COL1A2: variants seen among roughly 807,000 people sequenced by gnomAD.
The protein encoded by COL1A2 is collagen alpha-2(I) chain.
In COL1A2, 49 loss-of-function variants were observed where a neutral mutation model predicts 174.3. The observed-to-expected ratio is 0.28, with a 90% confidence interval of 0.22 to 0.36. The LOEUF is 0.36. Ranked by LOEUF, COL1A2 falls within the 10% of genes least tolerant of loss-of-function variation. The pLI is 1.00. For missense variants in COL1A2, 1,438 were observed against 1,822.7 expected (o/e 0.79, Z 3.84); for synonymous variants, 655 against 606.6 (o/e 1.08, Z -1.17).
chr7:94,400,207 C>G lies in COL1A2; in HGVS notation c.144C>G (p.Gly48=). ...TTTTTACATAACAGGGTCCACCAGG[C>G]CCCCCAGGCAGAGATGGTGAAGATG... ...RGPRGERGPP[G]PPGRDGEDGP... Residue 48 remains glycine, a synonymous_variant, in exon 5 of 52, where the codon GGC becomes GGG. Transcript: ENST00000297268. The G allele has an allele frequency of 6.2e-7, 1 of 1,613,390 alleles. No individual in the cohort carries two copies. The highest frequency in any genetic ancestry group is 8.5e-7 in the Non-Finnish European group (1 of 1,179,854).
intron 29 of COL1A2, 108 bp downstream of exon 29, chr7:94,414,383 T>C: frequency 9.8e-7 from 1 of 1,024,556 alleles, no homozygotes; most frequent in Non-Finnish European, 1.5e-6. Context: ...AATTTCGTAT[T>C]TCATATGTTA....
intron 31 of COL1A2, 154 bp from the exon 32 acceptor site, chr7:94,417,570 A>C: frequency 1.5e-6 from 1 of 675,140 alleles, no homozygotes; most frequent in Non-Finnish European, 2.7e-6. Flanking sequence ...TCTCTGCTAT[A>C]TTCTCCCTCC....
At chr7:94,421,153 C>G (rs1792152455) in intron 38 of COL1A2, 91 bp downstream of exon 38, 2 of 1,327,626 alleles carry the variant, frequency 1.5e-6, no homozygotes, top group Non-Finnish European at 2.2e-6. Flanking sequence ...TAAATTTGGA[C>G]TACCATGAGG....
At chr7:94,424,243 A>AG in intron 40 of COL1A2, 93 bp from the exon 41 acceptor site, 1 of 1,065,186 alleles carries the variant, frequency 9.4e-7, no homozygotes, top group South Asian at 1.3e-5. Flanking sequence ...CCTTTTTCTA[A>AG]GCTGAAGACA....
In COL1A2 at chr7:94,398,908, G is replaced by A. The variant is rs1460888152; in HGVS notation, c.97-141G>A. 6 of 796,826 alleles carry A rather than the reference G, an allele frequency of 7.5e-6. No homozygotes were observed. The East Asian group carries it at 1.0e-4, about 14-fold the overall frequency. 49.4% of individuals were successfully genotyped at this position (796,826 alleles called of 1,614,324 possible). A position where few individuals can be genotyped will look rare whatever the true frequency, so the allele number is the denominator to read the frequency against. On this transcript the variant is annotated intron_variant, in intron 3 of 51. Transcript: ENST00000297268. ...AATATATACTTTTATCTATTGCATT[G>A]TGTCAATTTTTTATATGCTATCTAA...
chr7:94,402,172 G>A (rs138346191), intron 6 of COL1A2, among the ~76,000 whole-genome samples: 1 of 152,160 alleles, frequency 6.6e-6, no homozygotes, highest in Non-Finnish European at 1.5e-5. Flanking sequence ...CAGGCAAGAT[G>A]TCTAATATTT....
chr7:94,413,101 G>A lies in COL1A2; in HGVS notation c.1522G>A (p.Gly508Ser), dbSNP rs769600024. ...KGPTGDPGKN[G>S]DKGHAGLAGA... ...ACTCTAGGGTGATCCTGGCAAAAAC[G>A]GTGATAAAGGTCATGCTGGTCTTGC... The change falls in exon 26 of 52, where the codon GGT becomes AGT. Residue 508 changes from glycine (G) to serine (S), a missense_variant. Coordinates refer to ENST00000297268, the MANE Select transcript of COL1A2 (RefSeq NM_000089.4). 9.9e-6 allele frequency: 16 copies of A among 1,614,020 alleles called. No homozygotes were observed. The highest frequency in any genetic ancestry group is 1.2e-5 in the Non-Finnish European group (14 of 1,180,028).
rs779022418 is a variant in COL1A2 at position 94,395,091 on chromosome 7, A to C, written c.60A>C (p.Ala20=). ...LLLLAVTLCL[A]TCQSLQEETV... is the part of the protein sequence containing the mutation. ...TGCTTGCAGTAACCTTATGCCTAGCAACATGCCAATGTAAGTGCCTTCAGC... is the reference window on the plus strand; with the variant it reads ...TGCTTGCAGTAACCTTATGCCTAGCCACATGCCAATGTAAGTGCCTTCAGC... Residue 20 remains alanine (A), a synonymous_variant, in exon 1 of 52, where the codon GCA becomes GCC. Transcript: ENST00000297268. 1.2e-6 allele frequency: 2 copies of C among 1,613,906 alleles called. No individual in the cohort carries two copies. The highest frequency in any genetic ancestry group is 1.7e-5 in the Admixed American group (1 of 59,990).
At position 94,428,356 on chromosome 7, in the gene COL1A2, T is replaced by A. The variant is rs755804086; in HGVS notation, c.3590T>A (p.Phe1197Tyr). 6.2e-7 allele frequency: 1 copy of A among 1,614,168 alleles called. No homozygotes were observed. The highest frequency in any genetic ancestry group is 1.1e-5 in the South Asian group (1 of 91,080). The change falls in exon 50 of 52, where the codon TTC becomes TAC. Residue 1197 changes from phenylalanine to tyrosine, a missense_variant. Physicochemically the swap from Phe to Tyr is conservative, Grantham distance 22. Around this residue, in one of 3 missense-constraint regions of COL1A2, gnomAD observed 290 missense variants for 298.1 expected, o/e 0.97. Coordinates refer to ENST00000297268, the MANE Select transcript of COL1A2 (RefSeq NM_000089.4). ...GATGCTATCAAAGTATACTGTGATTTCTCTACTGGCGAAACCTGTATCCGG... is the reference window on the plus strand; with the variant it reads ...GATGCTATCAAAGTATACTGTGATTACTCTACTGGCGAAACCTGTATCCGG... ...TMDAIKVYCD[F>Y]STGETCIRAQ...
intron 46 of COL1A2, 137 bp downstream of exon 46, chr7:94,426,667 T>C: frequency 1.3e-6 from 1 of 772,996 alleles, no homozygotes; most frequent in African/African-American, 1.7e-5. Flanking sequence ...TAACTCCATC[T>C]CACTCTTGGA....
intron 6 of COL1A2, 95 bp downstream of exon 6, chr7:94,401,715 T>TATTGAGTGTTAACTTAGG: frequency 1.2e-6 from 1 of 831,142 alleles, no homozygotes; most frequent in Non-Finnish European, 2.0e-6. Flanking sequence ...GCTACCTAAG[T>TATTGAGTGTTAACTTAGG]TAACACTCAA....
At chr7:94,403,902 C>T (rs1171858919) in intron 6 of COL1A2, among the ~76,000 whole-genome samples, 1 of 152,114 alleles carries the variant, frequency 6.6e-6, no homozygotes, top group Non-Finnish European at 1.5e-5. Context: ...AAGGGGAAAA[C>T]AATCTTCCAT....
At chr7:94,415,375 G>A in intron 30 of COL1A2, 105 bp downstream of exon 30, 1 of 968,414 alleles carries the variant, frequency 1.0e-6, no homozygotes, top group East Asian at 2.4e-5. Flanking sequence ...AGTCTCTGAT[G>A]CTCTTCTATA....
chr7:94,422,967 G>A lies in COL1A2; in HGVS notation c.2414G>A (p.Gly805Asp), dbSNP rs121912904. ...TACATTTGCTCATAGGGTATTTCTG[G>A]CCCTCCTGGTCCCCCTGGTCCTGCT... ...TGPPGPSGIS[G>D]PPGPPGPAGK... The change falls in exon 40 of 52, where the codon GGC becomes GAC. Residue 805 changes from glycine to aspartate, a missense_variant. Transcript: ENST00000297268. 1 of 1,614,044 alleles carries A rather than the reference G, an allele frequency of 6.2e-7. No homozygotes were observed. The highest frequency in any genetic ancestry group is 8.5e-7 in the Non-Finnish European group (1 of 1,180,000).
At chr7:94,401,746 A>G in intron 6 of COL1A2, 126 bp downstream of exon 6, 2 of 546,152 alleles carry the variant, frequency 3.7e-6, no homozygotes, top group Non-Finnish European at 6.4e-6. Context: ...ATATAAAAAC[A>G]ACTCTTTTTG....
intron 47 of COL1A2, 45 bp from the exon 48 acceptor site, chr7:94,427,133 TGCTCCCTTGG>T: frequency 1.2e-6 from 2 of 1,610,472 alleles, no homozygotes; most frequent in Non-Finnish European, 1.7e-6. Flanking sequence ...CCCAGGCTGC[TGCTCCCTTGG>T]TGGGATTCAC....
At chr7:94,407,664 A>C (rs1410082280) in intron 12 of COL1A2, among the ~76,000 whole-genome samples, 183 bp from the exon 13 acceptor site, 2 of 152,236 alleles carry the variant, frequency 1.3e-5, no homozygotes, top group African/African-American at 4.8e-5. Context: ...TATCTGAATA[A>C]AAACTCATGT....
At chr7:94,416,745 G>T in intron 31 of COL1A2, 1 of 528,670 alleles carries the variant, frequency 1.9e-6, no homozygotes, top group Non-Finnish European at 3.4e-6. Context: ...ATTAGTATGG[G>T]TTGTCACTCT....
intron 23 of COL1A2, 117 bp from the exon 24 acceptor site, chr7:94,411,951 C>A (rs1791936906): frequency 1.3e-6 from 1 of 795,076 alleles, no homozygotes; most frequent in Non-Finnish European, 2.2e-6. Context: ...AATGATTTAC[C>A]CTAGGCAACA....
Sources: allele counts gnomAD v4.1 joint callset (sites outside exome capture counted in the v4.1 genomes callset), GRCh38; gene constraint gnomAD v4.1.1; regional missense constraint gnomAD v4.1.1; transcripts MANE v1.5; gene names NCBI Gene and HGNC (gene_info 2026-07-23, HGNC 2026-07-21).